The following ETFA variants were observed in gnomAD, a reference collection of about 807,000 sequenced individuals.
The protein encoded by ETFA is electron transfer flavoprotein subunit alpha, mitochondrial.
In ETFA, 22 loss-of-function variants were observed where a neutral mutation model predicts 46.2. That is an observed-to-expected ratio of 0.48 (90% CI 0.34 to 0.68). ETFA has a LOEUF of 0.68. ETFA is among the 30% of genes least tolerant of loss of function. ETFA has a pLI of 0.01. For missense variants in ETFA, 345 were observed against 401.1 expected, an observed-to-expected ratio of 0.86 and a Z score of 1.19; for synonymous variants, 131 against 139.9, an observed-to-expected ratio of 0.94 and a Z score of 0.45.
chr15:76,222,326 AT>A (rs11475733), intron 11 of ETFA, among the ~76,000 whole-genome samples: 42,814 of 149,710 alleles, frequency 0.29, 6,577 homozygotes, highest in East Asian at 0.57. Context: ...CAAATATTGT[AT>A]TTTTTATTTT....
At chr15:76,251,080 T>C (rs2039293517) in intron 9 of ETFA, among the ~76,000 whole-genome samples, 1 of 152,140 alleles carries the variant, frequency 6.6e-6, no homozygotes, top group Admixed American at 6.5e-5. Flanking sequence ...TTTTCAAGCT[T>C]AGCCTAGCAA....
chr15:76,278,151 T>A (rs530586305), intron 8 of ETFA, among the ~76,000 whole-genome samples: 1 of 152,288 alleles, frequency 6.6e-6, no homozygotes, highest in South Asian at 2.1e-4. Flanking sequence ...ACTTGGAGAT[T>A]TGAACAACTC....
At chr15:76,232,860 A>T (rs2039083609) in intron 9 of ETFA, among the ~76,000 whole-genome samples, 1 of 152,226 alleles carries the variant, frequency 6.6e-6, no homozygotes, top group African/African-American at 2.4e-5. Flanking sequence ...GTGATCCCTC[A>T]GCTCTTTGGC....
intron 9 of ETFA, among the ~76,000 whole-genome samples, chr15:76,248,805 A>G (rs1453409346): frequency 6.6e-6 from 1 of 152,040 alleles, no homozygotes; most frequent in South Asian, 2.1e-4. Context: ...TGAACCCAGG[A>G]GGTAGAGGCT....
At chr15:76,309,170 C>G (rs1226122641) in intron 1 of ETFA, among the ~76,000 whole-genome samples, 2 of 152,232 alleles carry the variant, frequency 1.3e-5, no homozygotes, top group Non-Finnish European at 1.5e-5. Context: ...CTATTCTAGG[C>G]TGGGCGCGGT....
chr15:76,229,717 T>C (rs762188174), intron 10 of ETFA, among the ~76,000 whole-genome samples: 2 of 152,224 alleles, frequency 1.3e-5, no homozygotes, highest in Non-Finnish European at 2.9e-5. Flanking sequence ...TGACTGGTTT[T>C]GGGCCAGTTC....
chr15:76,283,956 T>C (rs2039680463), intron 7 of ETFA, 131 bp from the exon 8 acceptor site: 1 of 672,562 alleles, frequency 1.5e-6, no homozygotes, highest in African/African-American at 1.8e-5. Context: ...ACCTCCTCTA[T>C]AAACCTTTTC....
intron 9 of ETFA, among the ~76,000 whole-genome samples, chr15:76,246,484 A>T (rs559718049): frequency 7.9e-5 from 12 of 152,338 alleles, no homozygotes; most frequent in African/African-American, 2.9e-4. Context: ...AATGAAGGAC[A>T]AGGATGTTTA....
intron 9 of ETFA, among the ~76,000 whole-genome samples, chr15:76,242,056 C>T (rs1485591366): frequency 2.0e-5 from 3 of 152,012 alleles, no homozygotes; most frequent in Non-Finnish European, 4.4e-5. Context: ...AGGATGGTCT[C>T]GATCTCTTGA....
chr15:76,256,067 G>A (rs1252454521), intron 9 of ETFA, among the ~76,000 whole-genome samples: 5 of 151,846 alleles, frequency 3.3e-5, no homozygotes, highest in African/African-American at 1.2e-4. Flanking sequence ...AGATCAGCCT[G>A]GCCAACATGG....
At chr15:76,285,567 A>T in intron 7 of ETFA, 70 bp downstream of exon 7, 2 of 894,842 alleles carry the variant, frequency 2.2e-6, no homozygotes, top group Non-Finnish European at 3.7e-6. Context: ...TTCTAAAATA[A>T]ATACTAAAAA....
At chr15:76,259,253 G>A in intron 9 of ETFA, 2 of 1,561,444 alleles carry the variant, frequency 1.3e-6, no homozygotes, top group Non-Finnish European at 1.8e-6. Flanking sequence ...TGATGTATAA[G>A]GGGTCCTGGC....
At chr15:76,261,281 C>A in intron 9 of ETFA, 3 of 1,570,824 alleles carry the variant, frequency 1.9e-6, no homozygotes, top group Non-Finnish European at 2.6e-6. Flanking sequence ...TTTGGCTCCA[C>A]TGTGAAAAGT....
chr15:76,282,655 C>T (rs577881949), intron 8 of ETFA, among the ~76,000 whole-genome samples: 1 of 152,144 alleles, frequency 6.6e-6, no homozygotes, highest in South Asian at 2.1e-4. Context: ...TATGGGTACA[C>T]GTGTTATGTA....
chr15:76,299,292 T>C (rs893128607), intron 1 of ETFA, among the ~76,000 whole-genome samples: 1 of 152,190 alleles, frequency 6.6e-6, no homozygotes, highest in Admixed American at 6.5e-5. Flanking sequence ...TTTCTTCTTT[T>C]TCTTTTTTGG....
At chr15:76,224,836 G>C (rs2038989046) in intron 11 of ETFA, among the ~76,000 whole-genome samples, 1 of 152,186 alleles carries the variant, frequency 6.6e-6, no homozygotes, top group African/African-American at 2.4e-5. Context: ...AAAAAGAAGA[G>C]ACCAGGCCAC....
chr15:76,225,611 A>G (rs1001326192), intron 11 of ETFA, among the ~76,000 whole-genome samples: 4 of 152,120 alleles, frequency 2.6e-5, no homozygotes, highest in African/African-American at 9.7e-5. Flanking sequence ...TTTTAAAGAC[A>G]ATTTGGACTC....
At chr15:76,231,513 G>A (rs2039066064) in intron 9 of ETFA, 115 bp from the exon 10 acceptor site, 2 of 643,766 alleles carry the variant, frequency 3.1e-6, no homozygotes, top group South Asian at 4.2e-5. Context: ...TAAAATAGAG[G>A]CAAAATGTAT....
chr15:76,269,467 C>T lies in ETFA; in HGVS notation c.816+4945G>A, dbSNP rs11855872. ...GCTGTAGCTCATTTGCTTGATACAT[C>T]GCTTCCTTTCAACCCCCACATCCTC... On this transcript the variant is annotated intron_variant, in intron 9 of 11. Transcript: ENST00000557943. Among the ~76,000 whole-genome samples the T allele has an allele frequency of 4.0e-3, 608 of 152,262 alleles. 6 individuals carry two copies. Among genetic ancestry groups the T allele is most frequent in the African/African-American group, 0.014 (575 of 41,558 alleles).
Sources: allele counts gnomAD v4.1 joint callset (sites outside exome capture counted in the v4.1 genomes callset), GRCh38; gene constraint gnomAD v4.1.1; transcripts MANE v1.5; gene names NCBI Gene and HGNC (gene_info 2026-07-23, HGNC 2026-07-21).